The following PTPRD variants were observed in gnomAD, a reference collection of about 807,000 sequenced individuals.
PTPRD encodes protein tyrosine phosphatase receptor type D.
Under a neutral mutation model 214.5 loss-of-function variants are expected in PTPRD, and 34 were observed. That is an observed-to-expected ratio of 0.16 (90% CI 0.12 to 0.21). PTPRD has a LOEUF of 0.21. PTPRD is among the 10% of genes least tolerant of loss of function. PTPRD has a pLI of 1.00. For synonymous variants in PTPRD, 1,128 were observed against 845.7 expected (o/e 1.33, Z -5.79); for missense variants, 2,545 against 2,398.7 (o/e 1.06, Z -1.27).
intron 2 of PTPRD, among the ~76,000 whole-genome samples, chr9:10,444,696 A>G (rs1278023935): frequency 6.7e-6 from 1 of 149,974 alleles, no homozygotes; most frequent in Admixed American, 6.6e-5. Flanking sequence ...TCCATGAGAT[A>G]TAACAAAGAC....
At chr9:10,055,506 G>A (rs2097615327) in intron 3 of PTPRD, among the ~76,000 whole-genome samples, 1 of 151,912 alleles carries the variant, frequency 6.6e-6, no homozygotes, top group Non-Finnish European at 1.5e-5. Context: ...CTTTCCTGAG[G>A]CCACAAATCT....
intron 10 of PTPRD, among the ~76,000 whole-genome samples, chr9:9,127,642 T>C (rs1165493550): frequency 2.6e-5 from 4 of 152,202 alleles, no homozygotes; most frequent in Non-Finnish European, 5.9e-5. Flanking sequence ...CACATTCAGA[T>C]ATATGCTAAA....
chr9:8,504,712 T>A (rs979971558), intron 22 of PTPRD, among the ~76,000 whole-genome samples: 1 of 152,204 alleles, frequency 6.6e-6, no homozygotes, highest in Admixed American at 6.5e-5. Flanking sequence ...ATGAGTATGT[T>A]CTGCCGTTAA....
At chr9:10,602,705 A>G (rs938236808) in intron 2 of PTPRD, among the ~76,000 whole-genome samples, 1 of 151,862 alleles carries the variant, frequency 6.6e-6, no homozygotes, top group Admixed American at 6.6e-5. Flanking sequence ...ACCACAAATA[A>G]TTGTAATTAA....
chr9:9,662,736 G>C (rs550302664), intron 7 of PTPRD, among the ~76,000 whole-genome samples: 1 of 151,540 alleles, frequency 6.6e-6, no homozygotes, highest in Non-Finnish European at 1.5e-5. Context: ...AGGCTTGTCC[G>C]TTTTTAGAAT....
At chr9:9,985,620 C>CTT (rs1446721786) in intron 4 of PTPRD, among the ~76,000 whole-genome samples, 1 of 151,854 alleles carries the variant, frequency 6.6e-6, no homozygotes, top group Non-Finnish European at 1.5e-5. Flanking sequence ...ACTTTAAATA[C>CTT]TTATTGTATT....
chr9:10,031,876 C>T (rs953154437), intron 4 of PTPRD, among the ~76,000 whole-genome samples: 5 of 151,644 alleles, frequency 3.3e-5, no homozygotes, highest in African/African-American at 1.2e-4. Context: ...CCCTGGATAA[C>T]AGAAAATTTA....
At chr9:8,374,703 G>C (rs1207234058) in intron 39 of PTPRD, among the ~76,000 whole-genome samples, 1 of 151,962 alleles carries the variant, frequency 6.6e-6, no homozygotes, top group East Asian at 1.9e-4. Context: ...ATAGGGGAGT[G>C]CTTTGAAATT....
At chr9:8,652,838 A>G (rs1565005648) in intron 12 of PTPRD, among the ~76,000 whole-genome samples, 2 of 152,192 alleles carry the variant, frequency 1.3e-5, no homozygotes, top group Non-Finnish European at 2.9e-5. Flanking sequence ...GGTCACACAC[A>G]TGAGATTCTA....
At chr9:8,757,651 TATACATATATATATACATAC>T (rs1215925091) in intron 11 of PTPRD, among the ~76,000 whole-genome samples, 365 of 140,128 alleles carry the variant, frequency 2.6e-3, no homozygotes, top group African/African-American at 9.2e-3. Context: ...TACATACATA[TATACATATATATATACATAC>T]ATATATATAT....
At chr9:8,731,236 A>G (rs1314961630) in intron 12 of PTPRD, among the ~76,000 whole-genome samples, 1 of 152,190 alleles carries the variant, frequency 6.6e-6, no homozygotes, top group Non-Finnish European at 1.5e-5. Context: ...TTAAATTAAC[A>G]TGGCAAACTA....
intron 10 of PTPRD, among the ~76,000 whole-genome samples, chr9:9,167,965 T>C (rs1338263835): frequency 6.6e-6 from 1 of 152,156 alleles, no homozygotes; most frequent in East Asian, 1.9e-4. Context: ...TATCTTTCTG[T>C]GGGGTCCTTC....
At chr9:10,435,846 A>C (rs1408842967) in intron 2 of PTPRD, among the ~76,000 whole-genome samples, 1 of 151,876 alleles carries the variant, frequency 6.6e-6, no homozygotes, top group Non-Finnish European at 1.5e-5. Flanking sequence ...TCAATTATTC[A>C]GAAGTGAGTT....
At chr9:8,496,566 C>G (rs10121790) in intron 26 of PTPRD, among the ~76,000 whole-genome samples, 7,307 of 152,238 alleles carry the variant, frequency 0.048, 598 homozygotes, top group African/African-American at 0.17. Flanking sequence ...CCCTCAGCGA[C>G]ATACTTTCTA....
chr9:10,203,716 T>C (rs1001036769), intron 3 of PTPRD, among the ~76,000 whole-genome samples: 2 of 152,140 alleles, frequency 1.3e-5, no homozygotes, highest in African/African-American at 4.8e-5. Context: ...TGCATGCACA[T>C]ACCTAAAATG....
At chr9:8,454,409 C>T (rs898899423) in intron 33 of PTPRD, among the ~76,000 whole-genome samples, 30 of 152,100 alleles carry the variant, frequency 2.0e-4, no homozygotes, top group Middle Eastern at 3.4e-3. Flanking sequence ...TTTATTTTCC[C>T]CAGAATCATC....
chr9:10,080,069 A>G (rs2098209651), intron 3 of PTPRD, among the ~76,000 whole-genome samples: 1 of 152,100 alleles, frequency 6.6e-6, no homozygotes, highest in Non-Finnish European at 1.5e-5. Context: ...ACAAATAGAG[A>G]AGAAGGGGAA....
At chr9:10,134,562 A>G (rs573730364) in intron 3 of PTPRD, among the ~76,000 whole-genome samples, 2 of 152,146 alleles carry the variant, frequency 1.3e-5, no homozygotes, top group Admixed American at 6.6e-5. Flanking sequence ...AGCACGCTTC[A>G]TCTGTGAAAT....
intron 10 of PTPRD, among the ~76,000 whole-genome samples, chr9:9,078,675 A>C (rs1001292319): frequency 1.3e-5 from 2 of 151,966 alleles, no homozygotes; most frequent in African/African-American, 4.8e-5. Context: ...TTCTCAGGAG[A>C]TACAGCTGCA....
Sources: gnomAD v4.1 joint callset for allele counts (sites outside exome capture counted in the v4.1 genomes callset) on GRCh38, gnomAD v4.1.1 for gene constraint, MANE v1.5 for transcripts, NCBI Gene and HGNC (gene_info 2026-07-23, HGNC 2026-07-21) for gene names.